The following SNTG2 variants were observed in gnomAD, a reference collection of about 807,000 sequenced individuals.
The protein encoded by SNTG2 is gamma-2-syntrophin.
A neutral mutation model predicts 70.9 loss-of-function variants in SNTG2; 74 were observed. The ratio of observed to expected loss-of-function variants is 1.04; its 90% confidence interval spans 0.86 to 1.27. SNTG2 has a LOEUF of 1.27. Among genes scored for constraint, SNTG2 ranks in the 50% most tolerant of loss-of-function variants. SNTG2 has a pLI of 0.00. For missense variants in SNTG2, 717 were observed against 690.7 expected, an observed-to-expected ratio of 1.04 and a Z score of -0.43; for synonymous variants, 278 against 273.8, an observed-to-expected ratio of 1.02 and a Z score of -0.15.
At chr2:1,358,700 G>A (rs1043680227) in intron 16 of SNTG2, among the ~76,000 whole-genome samples, 5 of 151,908 alleles carry the variant, frequency 3.3e-5, no homozygotes, top group Non-Finnish European at 7.4e-5. Context: ...TCATGCTTTT[G>A]TAGTTGAAGA....
intron 1 of SNTG2, among the ~76,000 whole-genome samples, chr2:1,069,071 C>T (rs1663347929): frequency 6.6e-6 from 1 of 152,174 alleles, no homozygotes; most frequent in Non-Finnish European, 1.5e-5. Context: ...TGTTTCCAGT[C>T]ACAGTGAGGA....
At chr2:1,282,602 C>T (rs1301971267) in intron 14 of SNTG2, among the ~76,000 whole-genome samples, 1 of 152,200 alleles carries the variant, frequency 6.6e-6, no homozygotes, top group East Asian at 1.9e-4. Context: ...CAAGGTCCCG[C>T]CAAGCATCAC....
chr2:1,264,961 T>C (rs1344480765), intron 13 of SNTG2, among the ~76,000 whole-genome samples: 1 of 152,202 alleles, frequency 6.6e-6, no homozygotes, highest in African/African-American at 2.4e-5. Flanking sequence ...TGATCAACAA[T>C]AGACTACTAG....
chr2:1,167,869 C>A (rs1247209400), intron 7 of SNTG2, among the ~76,000 whole-genome samples: 1 of 124,818 alleles, frequency 8.0e-6, no homozygotes, highest in African/African-American at 3.4e-5. Flanking sequence ...CGCCCACAGA[C>A]GGCAGAACTG....
chr2:966,743 G>A (rs12471309), intron 1 of SNTG2, among the ~76,000 whole-genome samples: 11,871 of 152,144 alleles, frequency 0.078, 690 homozygotes, highest in South Asian at 0.2. Context: ...TCAGGGGTTC[G>A]AGACCAGCCT....
intron 1 of SNTG2, among the ~76,000 whole-genome samples, chr2:962,482 T>A (rs1176491403): frequency 6.6e-6 from 1 of 152,190 alleles, no homozygotes; most frequent in Non-Finnish European, 1.5e-5. Flanking sequence ...GCTTCTTCAT[T>A]TGTGTCCTTC....
At chr2:1,273,988 G>C (rs570674640) in intron 14 of SNTG2, among the ~76,000 whole-genome samples, 2 of 152,296 alleles carry the variant, frequency 1.3e-5, no homozygotes, top group Non-Finnish European at 2.9e-5. Flanking sequence ...TTGGGAAAAG[G>C]CTTGAATAAA....
chr2:1,031,528 A>ATATATATATATATATTTTTTTTTT, intron 1 of SNTG2, among the ~76,000 whole-genome samples: 11 of 59,110 alleles, frequency 1.9e-4, no homozygotes, highest in Admixed American at 4.2e-4. Context: ...ATATATATAT[A>ATATATATATATATATTTTTTTTTT]TTTTTTTTTT....
chr2:1,158,299 A>G (rs1670035227), intron 6 of SNTG2: 1 of 151,590 alleles, frequency 6.6e-6, no homozygotes, highest in African/African-American at 2.4e-5. Flanking sequence ...ATAGAAAAGT[A>G]GAAAATTATT....
intron 14 of SNTG2, among the ~76,000 whole-genome samples, chr2:1,268,660 A>G (rs546217201): frequency 1.3e-5 from 2 of 152,358 alleles, no homozygotes; most frequent in South Asian, 2.1e-4. Flanking sequence ...AGAACATTAC[A>G]TGCTGGAAAG....
chr2:1,165,634 A>T lies in SNTG2; in HGVS notation c.498A>T (p.Leu166Phe). Residue 166 changes from leucine to phenylalanine, a missense_variant and splice_region_variant, in exon 7 of 17, where the codon TTA becomes TTT. By Grantham distance (22) the Leu-to-Phe change is conservative. Coordinates refer to ENST00000308624, the MANE Select transcript of SNTG2 (RefSeq NM_018968.4). ...CGCCGGCATTTCTGAAGCTCCCGTT[A>T]GGTAAGTGGGAAGAGGAGAAATGCC... ...REAPAFLKLP[L>F]GSPGPSSDHS... 6.2e-7 allele frequency: 1 copy of T among 1,611,186 alleles called. No individual in the cohort carries two copies. Among genetic ancestry groups the T allele is most frequent in the Non-Finnish European group, 8.5e-7 (1 of 1,178,856 alleles).
chr2:1,324,412 C>A (rs1681678081), intron 16 of SNTG2, among the ~76,000 whole-genome samples: 1 of 151,910 alleles, frequency 6.6e-6, no homozygotes, highest in Non-Finnish European at 1.5e-5. Flanking sequence ...AAATATAGTG[C>A]ATATAAGGAT....
intron 8 of SNTG2, among the ~76,000 whole-genome samples, chr2:1,179,088 C>A (rs1671685332): frequency 6.6e-6 from 1 of 152,142 alleles, no homozygotes; most frequent in Non-Finnish European, 1.5e-5. Flanking sequence ...AGTTTATTTG[C>A]ATAGAGGTGT....
intron 1 of SNTG2, among the ~76,000 whole-genome samples, chr2:976,371 T>C (rs980337783): frequency 1.3e-5 from 2 of 152,220 alleles, no homozygotes; most frequent in African/African-American, 4.8e-5. Context: ...TGTGATGAGC[T>C]TGAGTGGTTC....
At chr2:1,249,876 G>C (rs1024247767) in intron 12 of SNTG2, among the ~76,000 whole-genome samples, 3 of 152,150 alleles carry the variant, frequency 2.0e-5, no homozygotes, top group Non-Finnish European at 4.4e-5. Context: ...TGAGGTCGCT[G>C]CCACTCACAC....
At chr2:1,227,543 C>T (rs1675876206) in intron 9 of SNTG2, among the ~76,000 whole-genome samples, 1 of 152,196 alleles carries the variant, frequency 6.6e-6, no homozygotes, top group Non-Finnish European at 1.5e-5. Context: ...GTCCGCTCCG[C>T]CACGAATCCG....
At chr2:973,082 C>T (rs1660793965) in intron 1 of SNTG2, among the ~76,000 whole-genome samples, 1 of 152,162 alleles carries the variant, frequency 6.6e-6, no homozygotes, top group African/African-American at 2.4e-5. Context: ...CTAGTACATT[C>T]TTTGTTTGAT....
At chr2:1,094,786 C>T (rs555456060) in intron 2 of SNTG2, among the ~76,000 whole-genome samples, 1 of 69,380 alleles carries the variant, frequency 1.4e-5, no homozygotes, top group Non-Finnish European at 2.6e-5. Flanking sequence ...TGGCAAGGGC[C>T]AGCTTACTGG....
At chr2:1,132,989 C>A (rs567301047) in intron 4 of SNTG2, among the ~76,000 whole-genome samples, 59 of 152,342 alleles carry the variant, frequency 3.9e-4, no homozygotes, top group Admixed American at 3.9e-4. Flanking sequence ...TACCATATGT[C>A]TTCTTTGCCC....
Sources: allele counts gnomAD v4.1 joint callset (sites outside exome capture counted in the v4.1 genomes callset), GRCh38; gene constraint gnomAD v4.1.1; transcripts MANE v1.5; gene names NCBI Gene and HGNC (gene_info 2026-07-23, HGNC 2026-07-21).